Variants in RARS2 observed in about 807,000 individuals in gnomAD.
The protein encoded by RARS2 is arginyl-tRNA synthetase 2, mitochondrial, also known as probable arginine--tRNA ligase, mitochondrial.
A neutral mutation model predicts 88.5 loss-of-function variants in RARS2; 67 were observed. The ratio of observed to expected loss-of-function variants is 0.76; its 90% CI spans 0.62 to 0.93. The LOEUF is 0.93. Ranked by LOEUF, RARS2 falls within the 40% of genes least tolerant of loss-of-function variation. The probability of loss-of-function intolerance (pLI) is 0.00; values close to 1 mark genes in which losing one functional copy is unlikely to be tolerated. For synonymous variants in RARS2, 239 were observed against 230.3 expected (o/e 1.04, Z -0.34); for missense variants, 664 against 684.2 (o/e 0.97, Z 0.33).
intron 1 of RARS2, among the ~76,000 whole-genome samples, chr6:87,576,825 A>G (rs536106516): frequency 6.6e-6 from 1 of 152,360 alleles, no homozygotes; most frequent in East Asian, 1.9e-4. Flanking sequence ...ATGCTGGATA[A>G]GTTGCTAAAT....
At chr6:87,514,856 T>C in intron 19 of RARS2, 101 bp downstream of exon 19, 2 of 956,294 alleles carry the variant, frequency 2.1e-6, no homozygotes, top group Non-Finnish European at 3.4e-6. Flanking sequence ...ACTGCTACAG[T>C]TGAACAACAG....
At chr6:87,516,756 A>C in intron 18 of RARS2, 50 bp downstream of exon 18, 1 of 1,605,438 alleles carries the variant, frequency 6.2e-7, no homozygotes, top group Non-Finnish European at 8.5e-7. Flanking sequence ...TAGATGAAAG[A>C]AAGGTCTCAA....
chr6:87,521,882 C>T (rs1412332509), intron 11 of RARS2, among the ~76,000 whole-genome samples: 1 of 152,080 alleles, frequency 6.6e-6, no homozygotes, highest in Non-Finnish European at 1.5e-5. Flanking sequence ...AAAGAATCAC[C>T]TGTTACTTCT....
chr6:87,536,124 T>C (rs536340274), intron 8 of RARS2, among the ~76,000 whole-genome samples: 44 of 151,488 alleles, frequency 2.9e-4, no homozygotes, highest in African/African-American at 1.0e-3. Flanking sequence ...ATAGGCAATA[T>C]GCAATGAGTC....
intron 2 of RARS2, chr6:87,564,491 T>C: frequency 2.4e-6 from 1 of 420,758 alleles, no homozygotes; most frequent in Non-Finnish European, 4.5e-6. Flanking sequence ...ACCCCATCTC[T>C]ACTAAAAATA....
chr6:87,525,421 T>C (rs1056536611), intron 10 of RARS2, among the ~76,000 whole-genome samples: 1 of 152,016 alleles, frequency 6.6e-6, no homozygotes, highest in Non-Finnish European at 1.5e-5. Context: ...ATCTTATAAA[T>C]AGAAAACTCT....
intron 2 of RARS2, among the ~76,000 whole-genome samples, chr6:87,567,261 A>AAC (rs1355625192): frequency 4.6e-5 from 7 of 151,548 alleles, no homozygotes; most frequent in Admixed American, 3.9e-4. Flanking sequence ...CAAAAAAACA[A>AAC]AGAAAAAACT....
intron 9 of RARS2, among the ~76,000 whole-genome samples, chr6:87,530,360 CTTTAA>C (rs990407657): frequency 2.6e-5 from 4 of 152,138 alleles, no homozygotes; most frequent in Admixed American, 2.0e-4. Flanking sequence ...CTTGCTTTAT[CTTTAA>C]TTTGTTTAGT....
At chr6:87,544,267 A>G (rs1781908979) in intron 7 of RARS2, among the ~76,000 whole-genome samples, 1 of 152,248 alleles carries the variant, frequency 6.6e-6, no homozygotes, top group East Asian at 1.9e-4. Context: ...TGTGAACTAC[A>G]GGTTGATTTT....
rs192821560 is a variant in RARS2, at chr6:87,518,842, G to A, written c.1287C>T (p.Leu429=). Residue 429 remains leucine (L), a synonymous_variant, in exon 15 of 20, where the codon CTC becomes CTT. Transcript: ENST00000369536. ...NPQETAERVG[L]AALIIQDFKG... ...AACAGACCTGAATAATGAGTGCTGC[G>A]AGCCCGACCCTCTCTGCAGTCTCTT... The A allele has an allele frequency of 2.7e-5, 44 of 1,614,038 alleles. No homozygotes were observed. The highest frequency in any genetic ancestry group is 2.5e-4 in the East Asian group (11 of 44,876).
chr6:87,587,923 A>G (rs1775642651), intron 1 of RARS2, among the ~76,000 whole-genome samples: 1 of 152,098 alleles, frequency 6.6e-6, no homozygotes, highest in African/African-American at 2.4e-5. Flanking sequence ...GGTGTGTGCC[A>G]CTACACCTAA....
At chr6:87,516,968 G>A in intron 17 of RARS2, 88 bp from the exon 18 acceptor site, 3 of 1,564,024 alleles carry the variant, frequency 1.9e-6, no homozygotes, top group South Asian at 2.3e-5. Flanking sequence ...ATATAAGGTT[G>A]ACTCGACACG....
At chr6:87,547,646 TTTTC>T (rs1415587876) in intron 6 of RARS2, among the ~76,000 whole-genome samples, 10 of 151,526 alleles carry the variant, frequency 6.6e-5, no homozygotes, top group Admixed American at 1.3e-4. Flanking sequence ...GTCTTTTTTC[TTTTC>T]TTTTTTTTTT....
rs762538003 is a variant in RARS2 at position 87,514,434 on chromosome 6, T to C, written c.1716A>G (p.Ile572Met). 2 of 1,609,904 alleles carry C rather than the reference T, an allele frequency of 1.2e-6. No homozygotes were observed. The highest frequency in any genetic ancestry group is 2.2e-5 in the South Asian group (2 of 90,976). ...VLANGMKLLG[I>M]TPVCRM Reference sequence around the variant, plus strand: ...GAAATTACATCCTACATACAGGTGTTATTCCAAGAAGTTTCATTCCATTGG... The same window carrying C: ...GAAATTACATCCTACATACAGGTGTCATTCCAAGAAGTTTCATTCCATTGG... Residue 572 changes from isoleucine to methionine, a missense_variant, in exon 20 of 20, where the codon ATA becomes ATG. By Grantham distance (10) the Ile-to-Met change is conservative (BLOSUM62 1). Coordinates refer to ENST00000369536, the MANE Select transcript of RARS2 (RefSeq NM_020320.5).
intron 2 of RARS2, among the ~76,000 whole-genome samples, chr6:87,565,035 G>A (rs759135083): frequency 4.6e-5 from 7 of 152,154 alleles, no homozygotes; most frequent in African/African-American, 7.2e-5. Context: ...TCCAGTCTGG[G>A]TGACAGAGCA....
In RARS2 at chr6:87,525,239, C is replaced by T. The variant is rs79855401; in HGVS notation, c.879-587G>A. ...CATGTCTCTTAAGCAATTGGTTTGC[C>T]TCTACATTATAGAGGTCTGGGCTTC... On this transcript the variant is annotated intron_variant, in intron 10 of 19. Transcript: ENST00000369536. 2.0e-4 allele frequency among the ~76,000 whole-genome samples: 30 copies of T among 152,296 alleles called. No homozygotes were observed. In the East Asian group the frequency reaches 4.8e-3, roughly 25 times the overall value.
At chr6:87,548,737 T>C in intron 5 of RARS2, 91 bp from the exon 6 acceptor site, 1 of 1,196,452 alleles carries the variant, frequency 8.4e-7, no homozygotes, top group Admixed American at 1.9e-5. Context: ...GACAAAACTG[T>C]GGAGTATGGC....
intron 9 of RARS2, 70 bp downstream of exon 9, chr6:87,530,714 T>C: frequency 6.4e-7 from 1 of 1,560,718 alleles, no homozygotes; most frequent in Non-Finnish European, 8.8e-7. Flanking sequence ...AACACGCAAC[T>C]TTACTATGCA....
intron 1 of RARS2, among the ~76,000 whole-genome samples, chr6:87,588,754 A>G (rs1464157915): frequency 6.6e-6 from 1 of 152,000 alleles, no homozygotes; most frequent in Admixed American, 6.6e-5. Context: ...TCAATCTTAA[A>G]CCGCTGTATC....
Sources: gnomAD v4.1 joint callset for allele counts (sites outside exome capture counted in the v4.1 genomes callset) on GRCh38, gnomAD v4.1.1 for gene constraint, MANE v1.5 for transcripts, NCBI Gene and HGNC (gene_info 2026-07-23, HGNC 2026-07-21) for gene names.